The following STAC variants were observed in gnomAD, a reference collection of about 807,000 sequenced individuals.
STAC encodes the protein SH3 and cysteine rich domain, also known as SH3 and cysteine-rich domain-containing protein.
Under a neutral mutation model 48.8 loss-of-function variants are expected in STAC, and 43 were observed. That is an observed-to-expected ratio of 0.88 (90% CI 0.69 to 1.14). The LOEUF is 1.14. Ranked by LOEUF, STAC falls within the 50% of genes most tolerant of loss-of-function variation. The pLI is 0.00. For synonymous variants in STAC, 193 were observed against 179.5 expected, an observed-to-expected ratio of 1.07 and a Z score of -0.60; for missense variants, 497 against 504.0, an observed-to-expected ratio of 0.99 and a Z score of 0.13.
At chr3:36,422,334 G>A (rs886539159) in intron 1 of STAC, among the ~76,000 whole-genome samples, 1 of 152,122 alleles carries the variant, frequency 6.6e-6, no homozygotes, top group Non-Finnish European at 1.5e-5. Flanking sequence ...TATAAGAGAT[G>A]TCAGTGTAAG....
chr3:36,495,752 C>G (rs1698137190), intron 6 of STAC, among the ~76,000 whole-genome samples: 1 of 152,242 alleles, frequency 6.6e-6, no homozygotes, highest in African/African-American at 2.4e-5. Context: ...TATGTAGCAT[C>G]ACTGCTATTA....
chr3:36,522,031 T>C (rs1207903487), intron 8 of STAC, among the ~76,000 whole-genome samples: 1 of 151,950 alleles, frequency 6.6e-6, no homozygotes, highest in Non-Finnish European at 1.5e-5. Flanking sequence ...GAGGCTGGAG[T>C]GACCCATGAT....
At chr3:36,441,599 AG>A (rs1390743395) in intron 1 of STAC, among the ~76,000 whole-genome samples, 4 of 152,132 alleles carry the variant, frequency 2.6e-5, no homozygotes, top group South Asian at 2.1e-4. Context: ...CCTTTCCTTT[AG>A]ATAAATTCCC....
chr3:36,532,960 T>C (rs1436663241), intron 10 of STAC, among the ~76,000 whole-genome samples: 5 of 152,210 alleles, frequency 3.3e-5, no homozygotes, highest in Non-Finnish European at 7.3e-5. Context: ...ATTTCTATTT[T>C]ATAAATGAGA....
chr3:36,433,165 G>A (rs2125655256), intron 1 of STAC, among the ~76,000 whole-genome samples: 1 of 152,280 alleles, frequency 6.6e-6, no homozygotes, highest in South Asian at 2.1e-4. Context: ...AGAAGTTAAA[G>A]TTAGGTGAAC....
intron 6 of STAC, among the ~76,000 whole-genome samples, chr3:36,496,368 ATCT>A (rs1338531699): frequency 1.3e-5 from 2 of 152,224 alleles, no homozygotes; most frequent in African/African-American, 4.8e-5. Flanking sequence ...GTTCCCACAG[ATCT>A]TCTCACTCAT....
chr3:36,529,239 T>C (rs933982673), intron 10 of STAC: 11 of 249,932 alleles, frequency 4.4e-5, no homozygotes, highest in Non-Finnish European at 7.8e-5. Flanking sequence ...TCGTCCCCCA[T>C]GCTCTTCTCA....
At chr3:36,388,489 T>C (rs187473750) in intron 1 of STAC, among the ~76,000 whole-genome samples, 1 of 152,184 alleles carries the variant, frequency 6.6e-6, no homozygotes, top group African/African-American at 2.4e-5. Flanking sequence ...TTTATGGTTT[T>C]AAATGTCTCA....
At chr3:36,459,642 GT>G (rs1423481988) in intron 2 of STAC, among the ~76,000 whole-genome samples, 1 of 152,152 alleles carries the variant, frequency 6.6e-6, no homozygotes, top group African/African-American at 2.4e-5. Context: ...TCATGATTTG[GT>G]TTTCGTCAGA....
chr3:36,481,551 C>T lies in STAC; in HGVS notation c.389-1441C>T, dbSNP rs1236999893. 7.2e-4 allele frequency among the ~76,000 whole-genome samples: 109 copies of T among 152,128 alleles called. 3 individuals carry two copies. Among genetic ancestry groups the T allele is most frequent in the Non-Finnish European group, 5.9e-5 (4 of 68,024 alleles). On this transcript the variant is annotated intron_variant, in intron 2 of 10. Transcript: ENST00000273183. ...GCTGTACAGTGGGGTATCTTGACTT[C>T]ATGTCTCATACTACCTGGACATATT...
chr3:36,449,984 C>T (rs976314726), intron 2 of STAC, among the ~76,000 whole-genome samples: 18 of 152,186 alleles, frequency 1.2e-4, no homozygotes, highest in Non-Finnish European at 2.2e-4. Context: ...GCTCTTCCTA[C>T]TGGAACATCT....
chr3:36,414,686 G>A (rs140729969), intron 1 of STAC, among the ~76,000 whole-genome samples: 1 of 152,250 alleles, frequency 6.6e-6, no homozygotes, highest in African/African-American at 2.4e-5. Context: ...GTCATTCTCT[G>A]TCCAGCTTTG....
At chr3:36,528,641 G>A (rs998561068) in intron 8 of STAC, 55 bp from the exon 9 acceptor site, 2 of 1,395,682 alleles carry the variant, frequency 1.4e-6, no homozygotes, top group Non-Finnish European at 9.8e-7. Context: ...TGACTTTAAA[G>A]TATGTTATTT....
At chr3:36,441,441 T>G (rs1200872605) in intron 1 of STAC, among the ~76,000 whole-genome samples, 1 of 152,212 alleles carries the variant, frequency 6.6e-6, no homozygotes, top group African/African-American at 2.4e-5. Flanking sequence ...TTTTTATGGC[T>G]GAATAGTATT....
At chr3:36,385,194 T>TGGA (rs1699590721) in intron 1 of STAC, among the ~76,000 whole-genome samples, 1 of 152,126 alleles carries the variant, frequency 6.6e-6, no homozygotes, top group Non-Finnish European at 1.5e-5. Flanking sequence ...ATGTTATACG[T>TGGA]AGTCTTCCTA....
intron 8 of STAC, among the ~76,000 whole-genome samples, chr3:36,516,262 G>A (rs916622282): frequency 5.9e-5 from 9 of 151,924 alleles, no homozygotes; most frequent in Non-Finnish European, 8.8e-5. Flanking sequence ...TATTACAGGC[G>A]CGAACCACCG....
intron 1 of STAC, among the ~76,000 whole-genome samples, chr3:36,440,280 C>T (rs1696306818): frequency 6.6e-6 from 1 of 152,220 alleles, no homozygotes; most frequent in African/African-American, 2.4e-5. Flanking sequence ...TTATCTATTG[C>T]TGTGTACACG....
chr3:36,529,591 C>T (rs1369721010), intron 10 of STAC, among the ~76,000 whole-genome samples: 1 of 152,146 alleles, frequency 6.6e-6, no homozygotes, highest in Non-Finnish European at 1.5e-5. Flanking sequence ...TTGATGCTGT[C>T]AATTTTCCTG....
At chr3:36,398,364 AAAGAAAAG>A (rs1172623779) in intron 1 of STAC, among the ~76,000 whole-genome samples, 1 of 135,512 alleles carries the variant, frequency 7.4e-6, no homozygotes, top group African/African-American at 2.7e-5. Context: ...AGAAAGAAAG[AAAGAAAAG>A]AAAGAGAGAA....
Sources: allele counts gnomAD v4.1 joint callset (sites outside exome capture counted in the v4.1 genomes callset), GRCh38; gene constraint gnomAD v4.1.1; transcripts MANE v1.5; gene names NCBI Gene and HGNC (gene_info 2026-07-23, HGNC 2026-07-21).